The following GNA12 variants were observed in gnomAD, a reference collection of about 807,000 sequenced individuals.
GNA12 encodes the protein G protein subunit alpha 12.
GNA12 carries 9 observed loss-of-function variants against 26.0 expected under a neutral mutation model. The observed-to-expected ratio is 0.35, with a 90% CI of 0.21 to 0.60. The LOEUF is 0.60. Among genes scored for constraint, GNA12 ranks in the 20% least tolerant of loss-of-function variants. The pLI, the probability that GNA12 is intolerant of heterozygous loss-of-function variation, is 0.78. For synonymous variants in GNA12, 264 were observed against 219.6 expected, an observed-to-expected ratio of 1.20 and a Z score of -1.79; for missense variants, 405 against 525.8, an observed-to-expected ratio of 0.77 and a Z score of 2.25.
intron 1 of GNA12, among the ~76,000 whole-genome samples, chr7:2,802,034 C>G (rs1332672446): frequency 6.6e-6 from 1 of 151,920 alleles, no homozygotes; most frequent in Non-Finnish European, 1.5e-5. Context: ...TTACTCCTGT[C>G]CTTTTCCAAT....
At chr7:2,836,013 T>G (rs920064085) in intron 1 of GNA12, 5 of 345,348 alleles carry the variant, frequency 1.4e-5, no homozygotes, top group African/African-American at 1.1e-4. Flanking sequence ...ACCTTGAAGC[T>G]GATGAAAGTT....
At chr7:2,817,589 T>C (rs927776531) in intron 1 of GNA12, among the ~76,000 whole-genome samples, 3 of 152,196 alleles carry the variant, frequency 2.0e-5, no homozygotes, top group African/African-American at 7.2e-5. Flanking sequence ...TCATTATTTG[T>C]CCCTAACCTG....
chr7:2,829,643 A>T (rs913444386), intron 1 of GNA12, among the ~76,000 whole-genome samples: 4 of 152,196 alleles, frequency 2.6e-5, no homozygotes, highest in African/African-American at 9.7e-5. Context: ...ACTCTTGGAC[A>T]GGCTACTTCT....
At chr7:2,789,648 A>G (rs1792467546) in intron 2 of GNA12, among the ~76,000 whole-genome samples, 1 of 152,174 alleles carries the variant, frequency 6.6e-6, no homozygotes, top group African/African-American at 2.4e-5. Flanking sequence ...CATCCCACCC[A>G]CTGCTCCAGT....
intron 2 of GNA12, among the ~76,000 whole-genome samples, chr7:2,780,051 C>CATACAT (rs1554259630): frequency 3.2e-5 from 2 of 62,208 alleles, no homozygotes; most frequent in African/African-American, 5.7e-5. Context: ...TTTCTGTGTA[C>CATACAT]ATATATATAT....
At chr7:2,738,577 A>G (rs2115317025) in intron 2 of GNA12, among the ~76,000 whole-genome samples, 2 of 152,254 alleles carry the variant, frequency 1.3e-5, no homozygotes, top group South Asian at 4.1e-4. Flanking sequence ...ATATTTGGAA[A>G]AGGAAACGTG....
At chr7:2,768,963 T>C (rs1202261450) in intron 2 of GNA12, among the ~76,000 whole-genome samples, 2 of 152,194 alleles carry the variant, frequency 1.3e-5, no homozygotes, top group Non-Finnish European at 2.9e-5. Flanking sequence ...TCTCGCTCCG[T>C]TGTCCGGGCT....
intron 1 of GNA12, among the ~76,000 whole-genome samples, chr7:2,801,180 A>G (rs1792800439): frequency 6.6e-6 from 1 of 152,190 alleles, no homozygotes; most frequent in Admixed American, 6.5e-5. Flanking sequence ...CCCTCCCGCT[A>G]TCCGGGAAGG....
intron 1 of GNA12, among the ~76,000 whole-genome samples, chr7:2,817,168 C>T (rs1409674511): frequency 1.3e-5 from 2 of 152,224 alleles, no homozygotes; most frequent in Admixed American, 6.5e-5. Context: ...CGCAATGGCG[C>T]GACCTCGGCT....
At chr7:2,818,255 CT>C (rs1793260351) in intron 1 of GNA12, among the ~76,000 whole-genome samples, 1 of 152,124 alleles carries the variant, frequency 6.6e-6, no homozygotes, top group Non-Finnish European at 1.5e-5. Flanking sequence ...CATCTGGGGG[CT>C]GGGGAATTCT....
chr7:2,838,382 C>G (rs1182173), intron 1 of GNA12, among the ~76,000 whole-genome samples: 64,310 of 151,656 alleles, frequency 0.42, 13,901 homozygotes, highest in Admixed American at 0.48. Flanking sequence ...TTCAAGAGCA[C>G]CCTAAGTAAC....
rs534757315 is a variant in GNA12 at position 2,810,146 on chromosome 7, C to T, written c.310-15003G>A. ...GGCTGCTATAACAAAACCTCACAGG[C>T]GGGTGGCTTGAACAGCAGAGATTTC... On this transcript the variant is annotated intron_variant, in intron 1 of 3. Coordinates refer to ENST00000275364, the MANE Select transcript of GNA12 (RefSeq NM_007353.3). 2.0e-3 allele frequency among the ~76,000 whole-genome samples: 300 copies of T among 152,330 alleles called. 2 individuals are homozygous for T. In the Middle Eastern group the frequency reaches 0.037, roughly 19 times the overall value.
intron 2 of GNA12, among the ~76,000 whole-genome samples, chr7:2,790,994 A>G (rs1583284937): frequency 2.0e-5 from 3 of 152,000 alleles, no homozygotes; most frequent in Admixed American, 2.0e-4. Flanking sequence ...AAAAAAAGGT[A>G]AAGAAATAAA....
At chr7:2,791,745 C>T (rs1395517164) in intron 2 of GNA12, among the ~76,000 whole-genome samples, 2 of 152,186 alleles carry the variant, frequency 1.3e-5, no homozygotes, top group African/African-American at 4.8e-5. Flanking sequence ...GGAGGGAGCC[C>T]TGGTAACGGT....
At chr7:2,746,435 A>G (rs1790767022) in intron 2 of GNA12, among the ~76,000 whole-genome samples, 1 of 152,254 alleles carries the variant, frequency 6.6e-6, no homozygotes, top group Admixed American at 6.5e-5. Flanking sequence ...ACATAATGAA[A>G]TGAAGGCAGA....
chr7:2,752,679 T>C (rs1057046683), intron 2 of GNA12, among the ~76,000 whole-genome samples: 4 of 152,208 alleles, frequency 2.6e-5, no homozygotes, highest in Admixed American at 6.5e-5. Flanking sequence ...AATCTAAACA[T>C]TGTAAAAGCA....
chr7:2,808,489 C>G (rs1192147624), intron 1 of GNA12, among the ~76,000 whole-genome samples: 2 of 152,226 alleles, frequency 1.3e-5, no homozygotes, highest in East Asian at 3.9e-4. Flanking sequence ...CCTGGACCAT[C>G]CTGTGGGCCT....
intron 2 of GNA12, among the ~76,000 whole-genome samples, chr7:2,737,963 T>C (rs1266493008): frequency 6.6e-6 from 1 of 152,164 alleles, no homozygotes; most frequent in Non-Finnish European, 1.5e-5. Flanking sequence ...AGTGAACGCC[T>C]GTGACATCTC....
chr7:2,754,760 T>C (rs576893873), intron 2 of GNA12, among the ~76,000 whole-genome samples: 1 of 152,220 alleles, frequency 6.6e-6, no homozygotes, highest in Admixed American at 6.5e-5. Context: ...AAAGGAGGAC[T>C]TTTGCAGAGC....
Sources: gnomAD v4.1 joint callset for allele counts (sites outside exome capture counted in the v4.1 genomes callset) on GRCh38, gnomAD v4.1.1 for gene constraint, MANE v1.5 for transcripts, NCBI Gene and HGNC (gene_info 2026-07-23, HGNC 2026-07-21) for gene names.